Variants in CHODL observed in about 807,000 individuals in gnomAD.
CHODL encodes the protein transmembrane protein MT75.
A neutral mutation model predicts 34.5 loss-of-function variants in CHODL; 29 were observed. The observed-to-expected ratio is 0.84, with a 90% confidence interval of 0.63 to 1.15. The LOEUF is 1.15. Ranked by LOEUF, CHODL falls within the 50% of genes most tolerant of loss-of-function variation. CHODL has a pLI of 0.00. For missense variants in CHODL, 332 were observed against 332.5 expected, an observed-to-expected ratio of 1.00 and a Z score of 0.01; for synonymous variants, 125 against 116.1, an observed-to-expected ratio of 1.08 and a Z score of -0.49.
At chr21:18,183,735 C>G (rs1325080383) in intron 2 of CHODL, among the ~76,000 whole-genome samples, 1 of 152,096 alleles carries the variant, frequency 6.6e-6, no homozygotes, top group Non-Finnish European at 1.5e-5. Flanking sequence ...TTAACGAGAT[C>G]GAGTGTTTTT....
chr21:18,019,781 G>A (rs558256412), intron 1 of CHODL, among the ~76,000 whole-genome samples: 2 of 152,278 alleles, frequency 1.3e-5, no homozygotes, highest in African/African-American at 4.8e-5. Context: ...TGGGGCAGCT[G>A]TAGCCTGTCC....
chr21:18,008,502 C>T (rs1051320345), intron 1 of CHODL, among the ~76,000 whole-genome samples: 7 of 152,204 alleles, frequency 4.6e-5, no homozygotes, highest in South Asian at 2.1e-4. Flanking sequence ...CACAACTCTC[C>T]ATTTCCCCTT....
At chr21:17,941,309 T>C (rs1056840240) in intron 1 of CHODL, among the ~76,000 whole-genome samples, 20 of 111,474 alleles carry the variant, frequency 1.8e-4, no homozygotes, top group East Asian at 6.6e-4. Flanking sequence ...TTTTTTTTTT[T>C]CATCCCTGGG....
chr21:18,060,425 G>C (rs181176092), intron 2 of CHODL, among the ~76,000 whole-genome samples: 2 of 151,686 alleles, frequency 1.3e-5, no homozygotes, highest in Admixed American at 1.3e-4. Flanking sequence ...ACTCCAGCCT[G>C]GGCCACAGAG....
chr21:18,251,463 TTTATTTTAA>T (rs1232422332), intron 1 of CHODL, among the ~76,000 whole-genome samples: 1 of 49,944 alleles, frequency 2.0e-5, no homozygotes, highest in African/African-American at 1.2e-4. Context: ...ATTTATTTTA[TTTATTTTAA>T]TTATTTATTT....
intron 1 of CHODL, among the ~76,000 whole-genome samples, chr21:18,013,907 T>G (rs1013398678): frequency 6.6e-6 from 1 of 152,072 alleles, no homozygotes; most frequent in Non-Finnish European, 1.5e-5. Context: ...AGTGCTGGGA[T>G]TACCGGCGTG....
At chr21:18,134,760 G>T (rs1435302282) in intron 2 of CHODL, among the ~76,000 whole-genome samples, 11 of 152,082 alleles carry the variant, frequency 7.2e-5, no homozygotes, top group Non-Finnish European at 1.5e-4. Context: ...TTGCACATTT[G>T]GGTGACACTT....
chr21:18,230,042 C>T (rs903299050), intron 2 of CHODL, among the ~76,000 whole-genome samples: 7 of 151,968 alleles, frequency 4.6e-5, no homozygotes, highest in South Asian at 2.1e-4. Context: ...AATTTTTTTG[C>T]GCAGTCATAC....
At chr21:18,082,352 T>A (rs185888459) in intron 2 of CHODL, among the ~76,000 whole-genome samples, 1 of 152,306 alleles carries the variant, frequency 6.6e-6, no homozygotes, top group Non-Finnish European at 1.5e-5. Context: ...CTTCACAAAT[T>A]ACCCAGTCTC....
intron 2 of CHODL, among the ~76,000 whole-genome samples, chr21:18,225,437 T>G (rs1440267384): frequency 6.6e-6 from 1 of 152,142 alleles, no homozygotes; most frequent in East Asian, 1.9e-4. Flanking sequence ...GATAAAACTG[T>G]GTAACTTAAT....
intron 2 of CHODL, among the ~76,000 whole-genome samples, chr21:18,200,564 T>G (rs1046557904): frequency 2.0e-5 from 3 of 152,204 alleles, no homozygotes; most frequent in Admixed American, 6.5e-5. Context: ...ATCTCATTTC[T>G]CACAGATTGC....
chr21:18,164,321 C>T (rs62213374), intron 2 of CHODL, among the ~76,000 whole-genome samples: 2,727 of 152,266 alleles, frequency 0.018, 37 homozygotes, highest in South Asian at 0.059. Flanking sequence ...GCCAGGAATT[C>T]AATCTCAAGA....
chr21:18,178,466 T>C (rs73893012), intron 2 of CHODL, among the ~76,000 whole-genome samples: 3,030 of 152,308 alleles, frequency 0.02, 95 homozygotes, highest in African/African-American at 0.067. Flanking sequence ...AATTTATGTA[T>C]AACTTTTGAC....
chr21:18,194,357 G>A (rs1173496885), intron 2 of CHODL, among the ~76,000 whole-genome samples: 1 of 152,052 alleles, frequency 6.6e-6, no homozygotes, highest in African/African-American at 2.4e-5. Context: ...TGATTCCCCT[G>A]ACTCTAGGTC....
intron 1 of CHODL, among the ~76,000 whole-genome samples, chr21:17,929,820 GGGA>G (rs2063257259): frequency 1.4e-5 from 1 of 72,908 alleles, no homozygotes. Context: ...AGTGCCAGGA[GGGA>G]GTGGGGAGGG....
chr21:17,951,142 A>G (rs2063454400), intron 1 of CHODL, among the ~76,000 whole-genome samples: 1 of 136,870 alleles, frequency 7.3e-6, no homozygotes, highest in Non-Finnish European at 1.6e-5. Context: ...GTGTGTGTAC[A>G]AATCAATGGT....
intron 1 of CHODL, among the ~76,000 whole-genome samples, chr21:17,998,011 T>G (rs1161090421): frequency 6.6e-6 from 1 of 152,152 alleles, no homozygotes; most frequent in African/African-American, 2.4e-5. Flanking sequence ...GTCCAAAGTC[T>G]CATCTGAGAC....
intron 2 of CHODL, among the ~76,000 whole-genome samples, chr21:18,219,054 G>T (rs574460611): frequency 2.0e-5 from 3 of 152,148 alleles, no homozygotes; most frequent in Admixed American, 1.3e-4. Context: ...CTGTTACCCA[G>T]TTCCAAAGTC....
At chr21:17,991,795 G>T (rs1201745811) in intron 1 of CHODL, among the ~76,000 whole-genome samples, 1 of 151,202 alleles carries the variant, frequency 6.6e-6, no homozygotes, top group Non-Finnish European at 1.5e-5. Context: ...TTATGCTGTT[G>T]TATCCTTTGC....
Sources: allele counts gnomAD v4.1 joint callset (sites outside exome capture counted in the v4.1 genomes callset), GRCh38; gene constraint gnomAD v4.1.1; transcripts MANE v1.5; gene names NCBI Gene and HGNC (gene_info 2026-07-23, HGNC 2026-07-21).